Variants in ABCA12 observed in about 807,000 individuals in gnomAD.
ABCA12 encodes glucosylceramide transporter ABCA12.
A neutral mutation model predicts 293.5 loss-of-function variants in ABCA12; 156 were observed. The ratio of observed to expected loss-of-function variants is 0.53; its 90% CI spans 0.47 to 0.61. The LOEUF is 0.61. Ranked by LOEUF, ABCA12 falls within the 20% of genes least tolerant of loss-of-function variation. The pLI is 0.00. For missense variants in ABCA12, 2,797 were observed against 3,090.2 expected, an observed-to-expected ratio of 0.91 and a Z score of 2.25; for synonymous variants, 1,063 against 1,108.0, an observed-to-expected ratio of 0.96 and a Z score of 0.81.
At chr2:215,119,752 A>AAAAAAAAAAAAAAAAC (rs1203424589) in intron 1 of ABCA12, among the ~76,000 whole-genome samples, 4 of 142,964 alleles carry the variant, frequency 2.8e-5, no homozygotes, top group African/African-American at 1.2e-4. Context: ...AAAAAAAAAA[A>AAAAAAAAAAAAAAAAC]TGAAAACAAA....
At chr2:215,040,806 C>G (rs28766945) in intron 7 of ABCA12, among the ~76,000 whole-genome samples, 4 of 151,724 alleles carry the variant, frequency 2.6e-5, no homozygotes, top group Non-Finnish European at 5.9e-5. Flanking sequence ...AGGGAGACTC[C>G]GTCTCAAAAA....
intron 39 of ABCA12, among the ~76,000 whole-genome samples, chr2:214,966,009 GATAA>G (rs1699248876): frequency 6.6e-6 from 1 of 152,170 alleles, no homozygotes; most frequent in African/African-American, 2.4e-5. Context: ...TGACAGACTG[GATAA>G]ATAAAATGTG....
At chr2:215,011,082 G>A (rs1700361290) in intron 17 of ABCA12, among the ~76,000 whole-genome samples, 2 of 152,094 alleles carry the variant, frequency 1.3e-5, no homozygotes, top group African/African-American at 4.8e-5. Flanking sequence ...ACAGATTTAA[G>A]GCAAGTTTTT....
At chr2:214,991,512 A>C (rs1364011653) in intron 23 of ABCA12, among the ~76,000 whole-genome samples, 6 of 152,132 alleles carry the variant, frequency 3.9e-5, no homozygotes, top group Non-Finnish European at 8.8e-5. Flanking sequence ...AATGAACAAC[A>C]CAATCAGTAT....
intron 2 of ABCA12, among the ~76,000 whole-genome samples, chr2:215,085,030 G>A (rs1459897761): frequency 1.4e-5 from 2 of 145,354 alleles, no homozygotes; most frequent in Non-Finnish European, 3.0e-5. Context: ...GGAGGCAGAG[G>A]TTGCAGTGAG....
chr2:215,058,624 A>T (rs1476700198), intron 3 of ABCA12, among the ~76,000 whole-genome samples: 1 of 152,018 alleles, frequency 6.6e-6, no homozygotes, highest in Non-Finnish European at 1.5e-5. Flanking sequence ...TGGGTGAACC[A>T]ACAAAACCTG....
chr2:215,028,841 A>C (rs2049358), intron 9 of ABCA12, among the ~76,000 whole-genome samples: 151,813 of 152,298 alleles, frequency 1, 75,668 homozygotes, highest in East Asian at 1. Context: ...AAGCCAAGGT[A>C]TAATAATAAC....
chr2:214,971,795 C>T, intron 36 of ABCA12, among the ~76,000 whole-genome samples: 1 of 152,178 alleles, frequency 6.6e-6, no homozygotes, highest in Admixed American at 6.5e-5. Context: ...GCAGGTCCCA[C>T]AGATATGCAA....
intron 2 of ABCA12, among the ~76,000 whole-genome samples, chr2:215,073,470 C>A (rs141047976): frequency 2.0e-5 from 3 of 151,932 alleles, no homozygotes; most frequent in Non-Finnish European, 4.4e-5. Context: ...AAGCTGGGTA[C>A]GCATACACTG....
intron 2 of ABCA12, among the ~76,000 whole-genome samples, chr2:215,099,644 C>A (rs1322889830): frequency 6.8e-6 from 1 of 147,182 alleles, no homozygotes; most frequent in Non-Finnish European, 1.5e-5. Context: ...AGTGAGCCCA[C>A]ATCACGCCAC....
chr2:215,014,418 A>C (rs1399186406), intron 15 of ABCA12, among the ~76,000 whole-genome samples: 1 of 152,080 alleles, frequency 6.6e-6, no homozygotes, highest in East Asian at 1.9e-4. Flanking sequence ...CCACACAGCA[A>C]CTCTGGAGCC....
chr2:215,057,118 A>G (rs1185274656), intron 3 of ABCA12, among the ~76,000 whole-genome samples: 1 of 152,076 alleles, frequency 6.6e-6, no homozygotes, highest in East Asian at 1.9e-4. Flanking sequence ...TTAAATAAAA[A>G]GAGACCATAT....
chr2:214,950,575 G>C (rs1698734217), intron 45 of ABCA12, among the ~76,000 whole-genome samples: 1 of 149,846 alleles, frequency 6.7e-6, no homozygotes, highest in Non-Finnish European at 1.5e-5. Context: ...TACAATCTTG[G>C]CTCACTGCAG....
At chr2:214,993,887 A>G (rs1248792640) in intron 23 of ABCA12, among the ~76,000 whole-genome samples, 1 of 152,220 alleles carries the variant, frequency 6.6e-6, no homozygotes, top group East Asian at 1.9e-4. Flanking sequence ...CTTGAACACC[A>G]GGACTAAAGG....
intron 18 of ABCA12, 107 bp downstream of exon 18, chr2:215,010,224 A>C: frequency 1.5e-6 from 2 of 1,335,556 alleles, no homozygotes; most frequent in Non-Finnish European, 2.1e-6. Flanking sequence ...TAATAATAAT[A>C]GTAGGTAAGA....
chr2:214,966,692 T>C (rs1254395548), intron 39 of ABCA12, among the ~76,000 whole-genome samples, 156 bp downstream of exon 39: 1 of 152,192 alleles, frequency 6.6e-6, no homozygotes, highest in Non-Finnish European at 1.5e-5. Flanking sequence ...ATGTTGCATC[T>C]GGCGATAGTT....
At chr2:215,083,264 C>T (rs76108965) in intron 2 of ABCA12, among the ~76,000 whole-genome samples, 3,143 of 152,222 alleles carry the variant, frequency 0.021, 39 homozygotes, top group Middle Eastern at 0.044. Flanking sequence ...CTAGAGTCAC[C>T]CAGAAGAGAA....
At chr2:215,013,910 A>G (rs549423431) in intron 15 of ABCA12, among the ~76,000 whole-genome samples, 1 of 152,280 alleles carries the variant, frequency 6.6e-6, no homozygotes, top group South Asian at 2.1e-4. Flanking sequence ...GCGAAGCACG[A>G]TGGCTCACTC....
chr2:215,120,989 C>G (rs1702794180), intron 1 of ABCA12, among the ~76,000 whole-genome samples: 1 of 152,154 alleles, frequency 6.6e-6, no homozygotes, highest in Non-Finnish European at 1.5e-5. Flanking sequence ...TAATTAATGT[C>G]AGCATTCAAT....
Sources: gnomAD v4.1 joint callset for allele counts (sites outside exome capture counted in the v4.1 genomes callset) on GRCh38, gnomAD v4.1.1 for gene constraint, MANE v1.5 for transcripts, NCBI Gene and HGNC (gene_info 2026-07-23, HGNC 2026-07-21) for gene names.